OPRD1: variants seen among roughly 807,000 people sequenced by gnomAD.
The protein encoded by OPRD1 is opioid receptor delta 1, also known as delta-type opioid receptor.
Under a neutral mutation model 17.5 loss-of-function variants are expected in OPRD1, and 19 were observed. That is an observed-to-expected ratio of 1.09 (90% CI 0.76 to 1.60). OPRD1 has a LOEUF of 1.60. Among genes scored for constraint, OPRD1 ranks in the 40% most tolerant of loss-of-function variants. The pLI, the probability that OPRD1 is intolerant of heterozygous loss-of-function variation, is 0.00. For missense variants in OPRD1, 483 were observed against 547.2 expected, an observed-to-expected ratio of 0.88 and a Z score of 1.17; for synonymous variants, 256 against 240.9, an observed-to-expected ratio of 1.06 and a Z score of -0.58.
chr1:28,856,198 G>C (rs2089057801), intron 1 of OPRD1, among the ~76,000 whole-genome samples: 1 of 152,238 alleles, frequency 6.6e-6, no homozygotes, highest in Non-Finnish European at 1.5e-5. Flanking sequence ...CTGTTGCTGT[G>C]TGACCTTGGG....
intron 1 of OPRD1, among the ~76,000 whole-genome samples, chr1:28,825,547 G>C (rs1198271096): frequency 3.3e-5 from 5 of 152,092 alleles, no homozygotes; most frequent in African/African-American, 1.2e-4. Flanking sequence ...CACCACATCC[G>C]GCTAATTTTT....
intron 1 of OPRD1, among the ~76,000 whole-genome samples, chr1:28,847,351 C>T (rs1440290360): frequency 2.0e-5 from 3 of 152,118 alleles, no homozygotes; most frequent in South Asian, 2.1e-4. Context: ...CGCGCCCAGC[C>T]GAGCCTGTTT....
At chr1:28,832,800 G>A (rs1375231841) in intron 1 of OPRD1, among the ~76,000 whole-genome samples, 6 of 152,170 alleles carry the variant, frequency 3.9e-5, no homozygotes, top group Non-Finnish European at 5.9e-5. Flanking sequence ...CCTGGGGTGT[G>A]TGTGATTCAA....
At chr1:28,828,237 A>G (rs2088781714) in intron 1 of OPRD1, among the ~76,000 whole-genome samples, 1 of 152,216 alleles carries the variant, frequency 6.6e-6, no homozygotes, top group Admixed American at 6.5e-5. Context: ...CATGAAAACA[A>G]CTTAATCTCC....
At chr1:28,862,597 T>A in intron 2 of OPRD1, 145 bp from the exon 3 acceptor site, 2 of 731,866 alleles carry the variant, frequency 2.7e-6, no homozygotes. Context: ...AGGAGGACAC[T>A]CCAGACAGAA....
rs10915204 is a variant in OPRD1 at position 28,851,763 on chromosome 1, C to A, written c.228-7191C>A. Among the ~76,000 whole-genome samples the A allele has an allele frequency of 2.0e-5, 3 of 147,766 alleles. No homozygotes were observed. The East Asian group carries it at 6.0e-4, about 30-fold the overall frequency. On this transcript the variant is annotated intron_variant, in intron 1 of 2. Transcript: ENST00000234961. ...GCTCATGCCTGTAATCCCAGCTACT[C>A]GGGAGGCTGAGGCGGGAAAATTGCT...
intron 1 of OPRD1, among the ~76,000 whole-genome samples, chr1:28,847,930 A>G (rs1290094553): frequency 6.6e-6 from 1 of 151,948 alleles, no homozygotes; most frequent in African/African-American, 2.4e-5. Context: ...AGCCAAAAAC[A>G]AAAAACAAAA....
intron 1 of OPRD1, among the ~76,000 whole-genome samples, chr1:28,846,862 CTT>C (rs775472408): frequency 5.0e-5 from 3 of 59,446 alleles, no homozygotes; most frequent in Non-Finnish European, 1.2e-4. Context: ...TTCTTTCTTT[CTT>C]TCTTTCTTTC....
intron 2 of OPRD1, 120 bp from the exon 3 acceptor site, chr1:28,862,622 A>G: frequency 2.2e-6 from 2 of 898,694 alleles, no homozygotes; most frequent in Non-Finnish European, 3.3e-6. Context: ...CCCCTTGAAC[A>G]AAGGCTGGGA....
At chr1:28,840,779 G>A (rs947163096) in intron 1 of OPRD1, among the ~76,000 whole-genome samples, 4 of 152,116 alleles carry the variant, frequency 2.6e-5, no homozygotes, top group African/African-American at 7.2e-5. Flanking sequence ...AAAATTAGCC[G>A]GGCATAGTGG....
intron 1 of OPRD1, among the ~76,000 whole-genome samples, chr1:28,822,944 A>G (rs1006242751): frequency 6.6e-6 from 1 of 152,144 alleles, no homozygotes; most frequent in Non-Finnish European, 1.5e-5. Context: ...GCCACACGGA[A>G]TGTCATAACA....
chr1:28,859,350 C>A (rs980883017), intron 2 of OPRD1, 47 bp downstream of exon 2: 3 of 1,525,898 alleles, frequency 2.0e-6, no homozygotes, highest in Non-Finnish European at 1.8e-6. Context: ...CCACAGGAGG[C>A]AGTACATGGG....
intron 1 of OPRD1, among the ~76,000 whole-genome samples, chr1:28,817,944 T>C (rs912953846): frequency 6.6e-6 from 1 of 151,838 alleles, no homozygotes; most frequent in Admixed American, 6.6e-5. Context: ...GGTCTCGAAC[T>C]CCTGACCTCA....
chr1:28,828,925 G>A (rs1237267579), intron 1 of OPRD1, among the ~76,000 whole-genome samples: 2 of 151,570 alleles, frequency 1.3e-5, no homozygotes, highest in Middle Eastern at 6.8e-3. Context: ...AGGAGGTGGA[G>A]GTTGCAGTGA....
chr1:28,839,822 C>T (rs906601731), intron 1 of OPRD1, among the ~76,000 whole-genome samples: 2 of 152,216 alleles, frequency 1.3e-5, no homozygotes, highest in Non-Finnish European at 2.9e-5. Flanking sequence ...GGGTCAGGCC[C>T]AGGCATCCTT....
At chr1:28,831,136 A>G (rs945859367) in intron 1 of OPRD1, among the ~76,000 whole-genome samples, 1 of 152,120 alleles carries the variant, frequency 6.6e-6, no homozygotes. Context: ...CCCTGAGGGG[A>G]GCGAATGGAG....
intron 1 of OPRD1, among the ~76,000 whole-genome samples, chr1:28,820,626 G>A (rs2088704928): frequency 6.6e-6 from 1 of 151,990 alleles, no homozygotes; most frequent in Admixed American, 6.6e-5. Flanking sequence ...AGGAGTTCGA[G>A]ACCAGCCCGA....
intron 2 of OPRD1, among the ~76,000 whole-genome samples, chr1:28,860,886 G>C (rs2089108497): frequency 6.6e-6 from 1 of 152,124 alleles, no homozygotes; most frequent in South Asian, 2.1e-4. Context: ...TATAGCCTGT[G>C]AGCCATTGGC....
At chr1:28,825,898 G>C (rs1187626537) in intron 1 of OPRD1, among the ~76,000 whole-genome samples, 1 of 152,208 alleles carries the variant, frequency 6.6e-6, no homozygotes, top group South Asian at 2.1e-4. Flanking sequence ...GTGAAATGGG[G>C]ATGATAGAAA....
Sources: gnomAD v4.1 joint callset for allele counts (sites outside exome capture counted in the v4.1 genomes callset) on GRCh38, gnomAD v4.1.1 for gene constraint, MANE v1.5 for transcripts, NCBI Gene and HGNC (gene_info 2026-07-23, HGNC 2026-07-21) for gene names.